Variants in CEP72 observed in about 807,000 individuals in gnomAD.
CEP72 encodes the protein centrosomal protein 72.
In CEP72, 78 loss-of-function variants were observed where a neutral mutation model predicts 65.7. That is an observed-to-expected ratio of 1.19 (90% CI 0.99 to 1.43). The LOEUF (loss-of-function observed/expected upper bound fraction) is 1.43, where lower values mean the gene tolerates loss of function less well. CEP72 is among the 40% of genes most tolerant of loss of function. The pLI, the probability that CEP72 is intolerant of heterozygous loss-of-function variation, is 0.00. For synonymous variants in CEP72, 358 were observed against 351.7 expected, an observed-to-expected ratio of 1.02 and a Z score of -0.20; for missense variants, 914 against 832.9, an observed-to-expected ratio of 1.10 and a Z score of -1.20.
intron 1 of CEP72, among the ~76,000 whole-genome samples, chr5:613,291 C>T (rs755469386): frequency 6.6e-6 from 1 of 152,060 alleles, no homozygotes; most frequent in Non-Finnish European, 1.5e-5. Context: ...GTGGGGTTTG[C>T]AGCAGAGAAA....
intron 9 of CEP72, chr5:643,640 C>T: frequency 2.0e-6 from 2 of 985,390 alleles, no homozygotes; most frequent in Non-Finnish European, 2.4e-6. Flanking sequence ...CCAGGATGTG[C>T]CTGCTGGTGC....
intron 11 of CEP72, 42 bp downstream of exon 11, chr5:647,958 G>C (rs1738533954): frequency 6.9e-7 from 1 of 1,439,918 alleles, no homozygotes. Flanking sequence ...GAGGGGAGGA[G>C]GCCCAGGTAC....
chr5:616,553 T>A (rs936146405), intron 1 of CEP72, among the ~76,000 whole-genome samples: 1 of 152,224 alleles, frequency 6.6e-6, no homozygotes, highest in Non-Finnish European at 1.5e-5. Context: ...CTGGGTATGA[T>A]GTCATGAGAC....
chr5:648,937 T>TG (rs1408095362), intron 11 of CEP72, among the ~76,000 whole-genome samples: 2 of 138,116 alleles, frequency 1.4e-5, no homozygotes, highest in South Asian at 2.4e-4. Context: ...CTGTGAGGTG[T>TG]GACTGTGAGG....
In CEP72 at chr5:624,544, CA is replaced by C; in HGVS notation, c.480del (p.Glu161ArgfsTer7). The C allele has an allele frequency of 6.2e-7, 1 of 1,613,814 alleles. No homozygotes were observed. The highest frequency in any genetic ancestry group is 8.5e-7 in the Non-Finnish European group (1 of 1,179,686). On this transcript the variant is annotated frameshift_variant, in exon 4 of 12. Coordinates refer to ENST00000264935, the MANE Select transcript of CEP72 (RefSeq NM_018140.4). LOFTEE classifies it high-confidence loss of function. The surrounding 1 kb of genome is among the most constrained non-coding windows in gnomAD (Gnocchi z 4.7). ...HFASEDSLDS[K>X]ESVPASLKEG... ...TTGCATCAGAGGACTCACTCGACTC[CA>C]AAGAGAGCGTCCCAGCTTCTTTGAA...
At chr5:661,597 AC>A, downstream of CEP72, 1 of 152,446 alleles carries the variant, frequency 6.6e-6, no homozygotes, top group Non-Finnish European at 1.5e-5. Flanking sequence ...GAGAACACAC[AC>A]CTGCCTGAAT....
chr5:673,012 G>A, the CEP72 span, among the ~76,000 whole-genome samples: 1 of 152,218 alleles, frequency 6.6e-6, no homozygotes, highest in African/African-American at 2.4e-5. Context: ...ACAGAAATCG[G>A]TAGACTTTTT....
intron 11 of CEP72, among the ~76,000 whole-genome samples, chr5:652,252 C>G (rs928678099): frequency 6.6e-6 from 1 of 152,220 alleles, no homozygotes; most frequent in Non-Finnish European, 1.5e-5. Context: ...CATTGGGCTT[C>G]TGCCCCCAGG....
At chr5:672,919 C>T in the CEP72 span, among the ~76,000 whole-genome samples, 2 of 152,246 alleles carry the variant, frequency 1.3e-5, no homozygotes, top group African/African-American at 4.8e-5. Context: ...CAAGCGCTGC[C>T]ATGGCAACGA....
At chr5:669,831 G>A (rs1740139550), downstream of CEP72, among the ~76,000 whole-genome samples, 1 of 152,120 alleles carries the variant, frequency 6.6e-6, no homozygotes, top group Non-Finnish European at 1.5e-5. Flanking sequence ...GTCCTCAGGA[G>A]TTCTAGGACA....
downstream of CEP72, among the ~76,000 whole-genome samples, chr5:672,041 C>T (rs769897612): frequency 4.6e-5 from 7 of 152,236 alleles, no homozygotes; most frequent in African/African-American, 9.6e-5. Context: ...TGCCCTGTGG[C>T]GGCTGCCCTC....
chr5:642,896 C>T, intron 9 of CEP72: 1 of 985,480 alleles, frequency 1.0e-6, no homozygotes, highest in Non-Finnish European at 1.2e-6. Context: ...TCACATGAAC[C>T]TAGACCTTGC....
Position 644,422 on chromosome 5 carries a change from G to C in CEP72, c.1663G>C (p.Ala555Pro). The C allele has an allele frequency of 6.2e-7, 1 of 1,613,586 alleles. No homozygotes were observed. Among genetic ancestry groups the C allele is most frequent in the Non-Finnish European group, 8.5e-7 (1 of 1,179,820 alleles). The change falls in exon 10 of 12, where the codon GCT becomes CCT. Residue 555 changes from alanine to proline, a missense_variant. Ala to Pro is a conservative substitution (Grantham distance 27). Transcript: ENST00000264935. ...DTAATLNLQIAGLQTSVKRLC... is the reference protein window; with the variant it reads ...DTAATLNLQIPGLQTSVKRLC... ...TGCAGCCACGTTAAATTTGCAGATC[G>C]CTGGTAAGTTGATCGTGTATTTGGT...
chr5:631,791 C>T (rs1379354364), intron 4 of CEP72, among the ~76,000 whole-genome samples: 2 of 54,822 alleles, frequency 3.6e-5, no homozygotes, highest in Non-Finnish European at 3.9e-5. Context: ...TGTCCAGTGC[C>T]GGGATTTGGC....
chr5:639,467 TG>T (rs376135296), intron 8 of CEP72, among the ~76,000 whole-genome samples: 2 of 152,246 alleles, frequency 1.3e-5, no homozygotes, highest in African/African-American at 4.8e-5. Context: ...TCTGGGGTGT[TG>T]GGGGGCCTGT....
downstream of CEP72, among the ~76,000 whole-genome samples, chr5:654,144 C>T (rs182517891): frequency 7.8e-5 from 10 of 128,636 alleles, no homozygotes; most frequent in East Asian, 1.2e-3. Context: ...TAGCTGTGTG[C>T]GCTTGCTGTG....
chr5:657,427 C>T (rs549511604), downstream of CEP72, among the ~76,000 whole-genome samples: 3 of 152,268 alleles, frequency 2.0e-5, no homozygotes, highest in Non-Finnish European at 2.9e-5. Flanking sequence ...TTTACACCAC[C>T]GTAAAATGAG....
chr5:654,130 G>C (rs953818571), downstream of CEP72, among the ~76,000 whole-genome samples: 1 of 148,050 alleles, frequency 6.8e-6, no homozygotes, highest in African/African-American at 2.5e-5. Context: ...TGTGCTGTGT[G>C]TGCTAGCTGT....
intron 3 of CEP72, among the ~76,000 whole-genome samples, chr5:665,651 C>G (rs976882233): frequency 7.4e-6 from 1 of 135,240 alleles, no homozygotes; most frequent in Non-Finnish European, 1.6e-5. Context: ...TCCCCAGGAC[C>G]CCCCCAGGCC....
Sources: gnomAD v4.1 joint callset for allele counts (sites outside exome capture counted in the v4.1 genomes callset) on GRCh38, gnomAD v4.1.1 for gene constraint, Gnocchi (gnomAD v3.1) non-coding constraint, MANE v1.5 for transcripts, NCBI Gene and HGNC (gene_info 2026-07-23, HGNC 2026-07-21) for gene names.